The following CRACR2A variants were observed in gnomAD, a reference collection of about 807,000 sequenced individuals.
CRACR2A encodes EF-hand calcium-binding domain-containing protein 4B.
CRACR2A carries 79 observed loss-of-function variants against 90.5 expected under a neutral mutation model. That is an observed-to-expected ratio of 0.87 (90% CI 0.73 to 1.05). The LOEUF is 1.05. Among genes scored for constraint, CRACR2A ranks in the 50% least tolerant of loss-of-function variants. The pLI, the probability that CRACR2A is intolerant of heterozygous loss-of-function variation, is 0.00. For missense variants in CRACR2A, 823 were observed against 897.2 expected, an observed-to-expected ratio of 0.92 and a Z score of 1.06; for synonymous variants, 338 against 356.7, an observed-to-expected ratio of 0.95 and a Z score of 0.59.
intron 1 of CRACR2A, among the ~76,000 whole-genome samples, chr12:3,736,289 A>G (rs922189714): frequency 6.6e-6 from 1 of 151,400 alleles, no homozygotes; most frequent in Non-Finnish European, 1.5e-5. Context: ...ACAGCTGAAC[A>G]TGGGTACTGA....
chr12:3,681,310 CAAGA>C (rs1202916788), intron 4 of CRACR2A, among the ~76,000 whole-genome samples: 1 of 152,182 alleles, frequency 6.6e-6, no homozygotes, highest in Non-Finnish European at 1.5e-5. Context: ...ATCAAGGCCC[CAAGA>C]GTATTTGTGT....
At chr12:3,744,441 C>A (rs1331075767) in intron 1 of CRACR2A, among the ~76,000 whole-genome samples, 1 of 152,170 alleles carries the variant, frequency 6.6e-6, no homozygotes, top group Non-Finnish European at 1.5e-5. Flanking sequence ...TGTACAATGA[C>A]ACCCCTGTCT....
rs79996431 is a variant in CRACR2A at position 3,647,774 on chromosome 12, A to T, written c.1118+768T>A. ...TAACATAACTAGGAAGTGATTCAAA[A>T]CCACTTGCACTTCAAAAATCAGAAC... is the stretch of plus-strand genomic sequence containing the variant. On this transcript the variant is annotated intron_variant, in intron 11 of 19. Transcript: ENST00000440314. Among the ~76,000 whole-genome samples, 10 of 152,330 alleles carry T rather than the reference A, an allele frequency of 6.6e-5. No individual in the cohort carries two copies. In the East Asian group the frequency reaches 1.9e-3, roughly 29 times the overall value.
At chr12:3,658,710 G>C (rs756233377) in intron 8 of CRACR2A, among the ~76,000 whole-genome samples, 57 of 152,128 alleles carry the variant, frequency 3.7e-4, no homozygotes, top group Admixed American at 4.6e-4. Context: ...GAGAATAGCC[G>C]GGCTTAGTGC....
At chr12:3,736,135 C>T (rs1014625848) in intron 1 of CRACR2A, among the ~76,000 whole-genome samples, 3 of 151,748 alleles carry the variant, frequency 2.0e-5, no homozygotes, top group African/African-American at 7.3e-5. Flanking sequence ...TAGTAATAGA[C>T]TAGATGGGGA....
chr12:3,628,051 CTCT>C lies in CRACR2A; in HGVS notation c.1736-348_1736-346del, dbSNP rs1368514916. ...CTTCCCTCCCTCTCTCCTTCCCTCTCTCTCTCTTTCCCTCCCTCTCTCCCTCTC... is the reference window on the plus strand; with the variant it reads ...CTTCCCTCCCTCTCTCCTTCCCTCTCCTCTTTCCCTCCCTCTCTCCCTCTC... On this transcript the variant is annotated intron_variant, in intron 15 of 19. Transcript: ENST00000440314. 2.7e-4 allele frequency among the ~76,000 whole-genome samples: 36 copies of C among 133,976 alleles called. 2 individuals carry two copies. Among genetic ancestry groups the C allele is most frequent in the African/African-American group, 9.4e-4 (34 of 36,084 alleles). The allele number at this position is 133,976 out of a possible 152,430, so 87.9% of individuals were successfully genotyped here. A position where few individuals can be genotyped will look rare whatever the true frequency, so the allele number is the denominator to read the frequency against.
At chr12:3,676,225 G>A (rs1229347998) in intron 6 of CRACR2A, among the ~76,000 whole-genome samples, 4 of 152,142 alleles carry the variant, frequency 2.6e-5, no homozygotes, top group African/African-American at 9.7e-5. Flanking sequence ...GGGAGAAAAG[G>A]AGGTAAGGAA....
chr12:3,722,511 C>T lies in CRACR2A; in HGVS notation c.-117-9194G>A, dbSNP rs114435072. On this transcript the variant is annotated intron_variant, in intron 2 of 19. Coordinates refer to ENST00000440314, the MANE Select transcript of CRACR2A (RefSeq NM_001144958.2). ...GGGGACCTGGAATGGCACAGCCACT[C>T]GAGAACGAAGTGTGGAGCGAGGCTG... Among the ~76,000 whole-genome samples the T allele has an allele frequency of 7.1e-3, 1,082 of 152,180 alleles. 9 individuals are homozygous for T. Among genetic ancestry groups the T allele is most frequent in the African/African-American group, 0.024 (989 of 41,516 alleles).
intron 15 of CRACR2A, among the ~76,000 whole-genome samples, chr12:3,630,147 G>A (rs978815865): frequency 3.3e-5 from 5 of 152,164 alleles, no homozygotes; most frequent in Admixed American, 2.6e-4. Context: ...AAGGGGCTAA[G>A]TTGGATGCTG....
At chr12:3,731,357 C>G (rs772937457) in intron 2 of CRACR2A, 2 of 152,386 alleles carry the variant, frequency 1.3e-5, no homozygotes, top group East Asian at 1.9e-4. Context: ...TGTGTTCCCC[C>G]CATCAAGGCT....
At chr12:3,687,764 C>T (rs1322523037) in intron 4 of CRACR2A, among the ~76,000 whole-genome samples, 1 of 152,190 alleles carries the variant, frequency 6.6e-6, no homozygotes, top group Non-Finnish European at 1.5e-5. Flanking sequence ...TGAGGAATTG[C>T]ACACTGCTTT....
At chr12:3,748,440 C>A (rs368489248) in intron 1 of CRACR2A, among the ~76,000 whole-genome samples, 2 of 152,210 alleles carry the variant, frequency 1.3e-5, no homozygotes, top group East Asian at 1.9e-4. Flanking sequence ...AAGAAAGTGT[C>A]CCGCTGGCAT....
At chr12:3,627,754 C>A in intron 15 of CRACR2A, 48 bp from the exon 16 acceptor site, 1 of 1,512,196 alleles carries the variant, frequency 6.6e-7, no homozygotes, top group Non-Finnish European at 9.0e-7. Context: ...CCAGGGGCAC[C>A]TCACTTCCAA....
intron 2 of CRACR2A, among the ~76,000 whole-genome samples, chr12:3,718,163 T>C (rs535119019): frequency 6.6e-6 from 1 of 152,324 alleles, no homozygotes; most frequent in South Asian, 2.1e-4. Context: ...TAGCACAGGG[T>C]ATGACCCATA....
In CRACR2A at chr12:3,621,695, T is replaced by G. The variant is rs1245264074; in HGVS notation, c.1933-2323A>C. 2.0e-4 allele frequency among the ~76,000 whole-genome samples: 14 copies of G among 71,180 alleles called. 1 individual carries two copies. The Admixed American group carries it at 2.1e-3, about 11-fold the overall frequency. The allele number at this position is 71,180 out of a possible 152,430, so 46.7% of individuals were successfully genotyped here. A position where few individuals can be genotyped will look rare whatever the true frequency, so the allele number is the denominator to read the frequency against. ...AAAAAAAAAAAACCAAAGCAATTCC[T>G]GGATATAAAAATAAAGGAGCTTAGA... is the stretch of plus-strand genomic sequence containing the variant. On this transcript the variant is annotated intron_variant, in intron 17 of 19. Transcript: ENST00000440314.
At chr12:3,637,073 A>G (rs1251114409) in intron 14 of CRACR2A, among the ~76,000 whole-genome samples, 1 of 152,214 alleles carries the variant, frequency 6.6e-6, no homozygotes, top group African/African-American at 2.4e-5. Context: ...ATCTATCACC[A>G]TGAGCCAGAG....
rs149739964 is a variant in CRACR2A, at chr12:3,745,825, T to TAAAATAAAATAAAAG, written c.-387+7189_-387+7190insCTTTTATTTTATTTT. Among the ~76,000 whole-genome samples the TAAAATAAAATAAAAG allele has an allele frequency of 1.1e-4, 11 of 100,486 alleles. 1 individual carries two copies. Among genetic ancestry groups the TAAAATAAAATAAAAG allele is most frequent in the Admixed American group, 4.4e-4 (4 of 9,194 alleles). 65.9% of individuals were successfully genotyped at this position (100,486 alleles called of 152,430 possible). On this transcript the variant is annotated intron_variant, in intron 1 of 19. Coordinates refer to ENST00000440314, the MANE Select transcript of CRACR2A (RefSeq NM_001144958.2). ...TAAAATAAAATAAAATAAAATAAAA[T>TAAAATAAAATAAAAG]AAAGAAAGAAAAGAGAAGAGAAAAG...
intron 4 of CRACR2A, among the ~76,000 whole-genome samples, chr12:3,681,312 A>G (rs752601419): frequency 5.9e-5 from 9 of 152,224 alleles, no homozygotes; most frequent in Non-Finnish European, 8.8e-5. Context: ...CAAGGCCCCA[A>G]GAGTATTTGT....
At chr12:3,741,157 A>G (rs1361660368) in intron 1 of CRACR2A, among the ~76,000 whole-genome samples, 1 of 152,192 alleles carries the variant, frequency 6.6e-6, no homozygotes, top group Non-Finnish European at 1.5e-5. Context: ...TGTAGGCTTT[A>G]GTTCCCACTC....
Sources: gnomAD v4.1 joint callset for allele counts (sites outside exome capture counted in the v4.1 genomes callset) on GRCh38, gnomAD v4.1.1 for gene constraint, MANE v1.5 for transcripts, NCBI Gene and HGNC (gene_info 2026-07-23, HGNC 2026-07-21) for gene names.